The following MARCHF1 variants were observed in gnomAD, a reference collection of about 807,000 sequenced individuals.
The protein encoded by MARCHF1 is E3 ubiquitin-protein ligase MARCHF1.
MARCHF1 carries 40 observed loss-of-function variants against 54.2 expected under a neutral mutation model. The ratio of observed to expected loss-of-function variants is 0.74; its 90% confidence interval spans 0.57 to 0.96. The LOEUF (loss-of-function observed/expected upper bound fraction) is 0.96, where lower values mean the gene tolerates loss of function less well. Ranked by LOEUF, MARCHF1 falls within the 40% of genes least tolerant of loss-of-function variation. The pLI is 0.00. For synonymous variants in MARCHF1, 236 were observed against 236.3 expected (o/e 1.00, Z 0.01); for missense variants, 586 against 656.5 (o/e 0.89, Z 1.17).
chr4:164,213,579 A>T (rs1731841724), intron 1 of MARCHF1, among the ~76,000 whole-genome samples: 1 of 152,070 alleles, frequency 6.6e-6, no homozygotes, highest in South Asian at 2.1e-4. Context: ...TTGACTACAG[A>T]CAACAAAACA....
At chr4:164,274,811 G>A (rs1481055908) in intron 1 of MARCHF1, among the ~76,000 whole-genome samples, 2 of 150,398 alleles carry the variant, frequency 1.3e-5, no homozygotes, top group South Asian at 4.2e-4. Flanking sequence ...CGAGTAGCTG[G>A]GACTACAGGC....
At chr4:163,802,659 T>C (rs956134015) in intron 4 of MARCHF1, among the ~76,000 whole-genome samples, 1 of 152,194 alleles carries the variant, frequency 6.6e-6, no homozygotes, top group Non-Finnish European at 1.5e-5. Flanking sequence ...TATTCGATTC[T>C]TGAGAGAAAA....
At chr4:163,827,668 T>G (rs1748892391) in intron 4 of MARCHF1, among the ~76,000 whole-genome samples, 1 of 152,156 alleles carries the variant, frequency 6.6e-6, no homozygotes, top group Non-Finnish European at 1.5e-5. Flanking sequence ...TTCCACTTAT[T>G]GCAGTCAATG....
At chr4:164,382,013 G>A (rs908429723) in intron 1 of MARCHF1, among the ~76,000 whole-genome samples, 4 of 152,148 alleles carry the variant, frequency 2.6e-5, no homozygotes, top group South Asian at 2.1e-4. Flanking sequence ...TCAACATAGC[G>A]TGACATAATC....
At position 163,864,497 on chromosome 4, in the gene MARCHF1, CT is replaced by C. The variant is rs1750009470; in HGVS notation, c.-38-10329del. On this transcript the variant is annotated intron_variant, in intron 3 of 9. Coordinates refer to ENST00000514618, the MANE Select transcript of MARCHF1 (RefSeq NM_001394959.1). ...GTAATGCAGCCTGCATGAGATGCTG[CT>C]AAAAAATTGGATAAAATGAAAAAAA... is the stretch of plus-strand genomic sequence containing the variant. 3.3e-5 allele frequency among the ~76,000 whole-genome samples: 5 copies of C among 151,718 alleles called. No homozygotes were observed. In the South Asian group the frequency reaches 1.0e-3, roughly 31 times the overall value.
intron 4 of MARCHF1, among the ~76,000 whole-genome samples, chr4:163,831,892 G>T (rs1280010499): frequency 6.6e-6 from 1 of 152,118 alleles, no homozygotes; most frequent in Non-Finnish European, 1.5e-5. Flanking sequence ...TGAGTGAGAA[G>T]GTCCTCATAC....
intron 1 of MARCHF1, among the ~76,000 whole-genome samples, chr4:164,324,957 A>G (rs535906269): frequency 1.3e-3 from 203 of 152,048 alleles, no homozygotes; most frequent in African/African-American, 4.4e-3. Flanking sequence ...GGAAGTTCAT[A>G]TGAAAAAAAT....
intron 2 of MARCHF1, among the ~76,000 whole-genome samples, chr4:164,109,470 C>T (rs781143370): frequency 2.6e-5 from 4 of 151,936 alleles, no homozygotes; most frequent in Non-Finnish European, 5.9e-5. Flanking sequence ...TCTTCATATA[C>T]AGTACATGAA....
chr4:164,284,253 C>T lies in MARCHF1; in HGVS notation c.-323+99617G>A, dbSNP rs147972162. 2.2e-3 allele frequency among the ~76,000 whole-genome samples: 331 copies of T among 149,440 alleles called. 7 individuals are homozygous for T. The highest frequency in any genetic ancestry group is 5.7e-3 in the Admixed American group (83 of 14,636). On this transcript the variant is annotated intron_variant, in intron 1 of 9. Transcript: ENST00000514618. Reference sequence around the variant, plus strand: ...TATTCCTTGGATATGTAAGTATAGGCCAAATGAAAAGATATTTAGGAGGAG... The same window carrying T: ...TATTCCTTGGATATGTAAGTATAGGTCAAATGAAAAGATATTTAGGAGGAG...
chr4:163,591,123 G>A (rs1740578990), intron 7 of MARCHF1, among the ~76,000 whole-genome samples: 1 of 151,500 alleles, frequency 6.6e-6, no homozygotes, highest in Admixed American at 6.6e-5. Flanking sequence ...CTTATTAACA[G>A]TCTATGACCA....
At chr4:164,201,089 C>T (rs912542766) in intron 1 of MARCHF1, among the ~76,000 whole-genome samples, 1 of 152,124 alleles carries the variant, frequency 6.6e-6, no homozygotes, top group African/African-American at 2.4e-5. Flanking sequence ...GAAAGCAACT[C>T]TTATTTTCTT....
At chr4:164,137,194 T>C (rs72691816) in intron 1 of MARCHF1, among the ~76,000 whole-genome samples, 1 of 152,304 alleles carries the variant, frequency 6.6e-6, no homozygotes, top group Non-Finnish European at 1.5e-5. Context: ...ATTATTGTAT[T>C]TTTTTGTCAT....
chr4:163,805,058 C>T (rs1370379692), intron 4 of MARCHF1, among the ~76,000 whole-genome samples: 1 of 151,972 alleles, frequency 6.6e-6, no homozygotes, highest in African/African-American at 2.4e-5. Context: ...TCCATGAAGG[C>T]AAGATAGAAT....
At chr4:164,103,621 T>G (rs539630166) in intron 2 of MARCHF1, among the ~76,000 whole-genome samples, 9 of 27,512 alleles carry the variant, frequency 3.3e-4, no homozygotes, top group African/African-American at 1.3e-3. Context: ...AAGCAGTGTG[T>G]AGAGGGAAAT....
chr4:163,749,399 G>C (rs1386650253), intron 4 of MARCHF1, among the ~76,000 whole-genome samples: 1 of 151,334 alleles, frequency 6.6e-6, no homozygotes, highest in African/African-American at 2.4e-5. Flanking sequence ...TTTGCTTCTT[G>C]TTTTCCAATT....
intron 4 of MARCHF1, among the ~76,000 whole-genome samples, chr4:163,759,122 C>T (rs1231692974): frequency 7.3e-5 from 11 of 150,636 alleles, no homozygotes; most frequent in Middle Eastern, 3.5e-3. Flanking sequence ...TTTTTTCCTA[C>T]ATAAGGATAA....
chr4:164,244,531 C>T (rs1732879145), intron 1 of MARCHF1, among the ~76,000 whole-genome samples: 1 of 137,290 alleles, frequency 7.3e-6, no homozygotes, highest in East Asian at 2.1e-4. Flanking sequence ...GACACCCTAA[C>T]ATCACAATTG....
intron 4 of MARCHF1, among the ~76,000 whole-genome samples, chr4:163,715,036 G>T (rs1203029233): frequency 6.6e-6 from 1 of 152,072 alleles, no homozygotes; most frequent in Admixed American, 6.6e-5. Context: ...ATAGAAAAAA[G>T]TCACATCTGT....
chr4:164,288,775 G>A (rs1734212824), intron 1 of MARCHF1, among the ~76,000 whole-genome samples: 1 of 152,040 alleles, frequency 6.6e-6, no homozygotes, highest in Non-Finnish European at 1.5e-5. Context: ...ATGAGTGGGA[G>A]TCCTTTTGAA....
Sources: allele counts gnomAD v4.1 joint callset (sites outside exome capture counted in the v4.1 genomes callset), GRCh38; gene constraint gnomAD v4.1.1; transcripts MANE v1.5; gene names NCBI Gene and HGNC (gene_info 2026-07-23, HGNC 2026-07-21).